Variants in NKX3-2 observed in about 807,000 individuals in gnomAD.
NKX3-2 encodes NK3 homeobox 2, also known as homeobox protein Nkx-3.2.
A neutral mutation model predicts 19.4 loss-of-function variants in NKX3-2; 13 were observed. The ratio of observed to expected loss-of-function variants is 0.67; its 90% CI spans 0.44 to 1.07. The LOEUF is 1.07. Ranked by LOEUF, NKX3-2 falls within the 50% of genes least tolerant of loss-of-function variation. The probability of loss-of-function intolerance (pLI) is 0.00; values close to 1 mark genes in which losing one functional copy is unlikely to be tolerated. For missense variants in NKX3-2, 562 were observed against 488.2 expected (o/e 1.15, Z -1.42); for synonymous variants, 269 against 230.5 (o/e 1.17, Z -1.51).
rs1327011469 is a variant in NKX3-2 at position 13,544,077 on chromosome 4, G to A, written c.338C>T (p.Ala113Val). ...TCCCCCCGCAAGGCCGGCCCCGCTG[G>A]CCCCCCGCGCGTCCGCGCAGCGCCG... is the stretch of plus-strand genomic sequence containing the variant. ...SRRRCADARG[A>V]SGAGLAGGSL... The change falls in exon 1 of 2, where the codon GCC (alanine) becomes GTC (valine). Residue 113 changes from alanine to valine, a missense_variant. Coordinates refer to ENST00000382438, the MANE Select transcript of NKX3-2 (RefSeq NM_001189.4). 25 of 1,580,240 alleles carry A rather than the reference G, an allele frequency of 1.6e-5. No individual in the cohort carries two copies. Among genetic ancestry groups the A allele is most frequent in the Non-Finnish European group, 2.1e-5 (24 of 1,165,700 alleles).
In NKX3-2 at chr4:13,543,988, C is replaced by T; in HGVS notation, c.427G>A (p.Ala143Thr). 1 of 1,564,536 alleles carries T rather than the reference C, an allele frequency of 6.4e-7. No homozygotes were observed. Among genetic ancestry groups the T allele is most frequent in the South Asian group, 1.2e-5 (1 of 84,122 alleles). The change falls in exon 1 of 2, where the codon GCG becomes ACG. Residue 143 changes from alanine (A) to threonine (T), a missense_variant. Coordinates refer to ENST00000382438, the MANE Select transcript of NKX3-2 (RefSeq NM_001189.4). This position sits in a 1 kb window ranked among gnomAD's most constrained non-coding sequence, Gnocchi z 7.1. ...AASKDLEEEA[A>T]GRSDSEMSAS... Reference sequence around the variant, plus strand: ...GACATCTCGCTGTCGCTCCGGCCCGCGGCTTCCTCCTCTAGGTCTTTGGAA... The same window carrying T: ...GACATCTCGCTGTCGCTCCGGCCCGTGGCTTCCTCCTCTAGGTCTTTGGAA...
At position 13,541,960 on chromosome 4, in the gene NKX3-2, C is replaced by A; in HGVS notation, c.*33G>T. On this transcript the variant is annotated 3_prime_UTR_variant, in exon 2 of 2. Coordinates refer to ENST00000382438, the MANE Select transcript of NKX3-2 (RefSeq NM_001189.4). ...TCAGCGCCGGTCCGGAGCCGGAGCGCGGGAATCACTCGCTGCCTCAGCCCA... is the reference window on the plus strand; with the variant it reads ...TCAGCGCCGGTCCGGAGCCGGAGCGAGGGAATCACTCGCTGCCTCAGCCCA... 6.4e-7 allele frequency: 1 copy of A among 1,557,162 alleles called. No homozygotes were observed. Among genetic ancestry groups the A allele is most frequent in the South Asian group, 1.2e-5 (1 of 84,448 alleles).
At chr4:13,545,043 C>A (rs752350463), upstream of NKX3-2, 1 of 152,408 alleles carries the variant, frequency 6.6e-6, no homozygotes, top group Admixed American at 6.5e-5. Flanking sequence ...TGTACCACCC[C>A]CCTCCCGCCC....
chr4:13,543,995 C>T lies in NKX3-2; in HGVS notation c.420G>A (p.Glu140=). The T allele has an allele frequency of 6.4e-7, 1 of 1,570,788 alleles. No individual in the cohort carries two copies. The highest frequency in any genetic ancestry group is 8.6e-7 in the Non-Finnish European group (1 of 1,161,246). The change falls in exon 1 of 2, where the codon GAG becomes GAA. Residue 140 remains glutamate, a synonymous_variant. Transcript: ENST00000382438. The surrounding 1 kb of genome is among the most constrained non-coding windows in gnomAD (Gnocchi z 7.1). ...CELAASKDLE[E]EAAGRSDSEM... ...CGCTGTCGCTCCGGCCCGCGGCTTC[C>T]TCCTCTAGGTCTTTGGAAGCGGCCA...
chr4:13,543,939 C>A lies in NKX3-2; in HGVS notation c.466+10G>T. 6.5e-7 allele frequency: 1 copy of A among 1,537,044 alleles called. No individual in the cohort carries two copies. Among genetic ancestry groups the A allele is most frequent in the Non-Finnish European group, 8.7e-7 (1 of 1,143,368 alleles). ...AGCCCGGCCCCCATCCCCGCGAAGC[C>A]GCAGCAGACCTGAGACGCTGGCGGA... On this transcript the variant is annotated intron_variant, in intron 1 of 1. Transcript: ENST00000382438. The surrounding 1 kb of genome is among the most constrained non-coding windows in gnomAD (Gnocchi z 7.1).
At chr4:13,546,027 AACTTTACC>A (rs1718125547), upstream of NKX3-2, 1 of 152,228 alleles carries the variant, frequency 6.6e-6, no homozygotes, top group South Asian at 2.1e-4. Flanking sequence ...GTTTTCCATA[AACTTTACC>A]AGAGAGTTAA....
upstream of NKX3-2, chr4:13,547,086 T>C (rs1718148576): frequency 2.2e-6 from 1 of 456,220 alleles, no homozygotes; most frequent in Non-Finnish European, 4.4e-6. Flanking sequence ...GAGGGTGAAC[T>C]CGCGGGTCTT....
Position 13,542,521 on chromosome 4 carries a change from G to A in NKX3-2, c.474C>T (p.Arg158=). ...CACCGTCGTCCTCGGTCCTTGGGCT[G>A]CGGTCGCCTGCGGACCCCGGTGGGA... ...SEMSASVSGD[R]SPRTEDDGVG... Residue 158 remains arginine (R), a synonymous_variant, in exon 2 of 2, where the codon CGC becomes CGT. Transcript: ENST00000382438. The surrounding 1 kb of genome is among the most constrained non-coding windows in gnomAD (Gnocchi z 6.4). 1 of 1,596,472 alleles carries A rather than the reference G, an allele frequency of 6.3e-7. No individual in the cohort carries two copies. Among genetic ancestry groups the A allele is most frequent in the Non-Finnish European group, 8.5e-7 (1 of 1,179,600 alleles).
chr4:13,542,637 T>C lies in NKX3-2; in HGVS notation c.467-109A>G. ...GGAGTGGGGCGGAAATACACTTTGATCCCACTCAAGCGGAGCGGAGGTCTG... is the reference window on the plus strand; with the variant it reads ...GGAGTGGGGCGGAAATACACTTTGACCCCACTCAAGCGGAGCGGAGGTCTG... On this transcript the variant is annotated intron_variant, in intron 1 of 1. Transcript: ENST00000382438. This position sits in a 1 kb window ranked among gnomAD's most constrained non-coding sequence, Gnocchi z 6.4. 2 of 1,410,824 alleles carry C rather than the reference T, an allele frequency of 1.4e-6. No individual in the cohort carries two copies. The highest frequency in any genetic ancestry group is 2.0e-6 in the Non-Finnish European group (2 of 1,015,892). 87.4% of individuals were successfully genotyped at this position (1,410,824 alleles called of 1,614,324 possible).
chr4:13,543,903 T>C lies in NKX3-2; in HGVS notation c.466+46A>G. ...CCACTCGGCGTGGTTGCCCTCCGCG[T>C]CCATCCCCTCAGCCCGGCCCCCATC... On this transcript the variant is annotated intron_variant, in intron 1 of 1. Transcript: ENST00000382438. This position sits in a 1 kb window ranked among gnomAD's most constrained non-coding sequence, Gnocchi z 7.1. 1 of 1,455,128 alleles carries C rather than the reference T, an allele frequency of 6.9e-7. No homozygotes were observed. The allele number at this position is 1,455,128 out of a possible 1,614,324, so 90.1% of individuals were successfully genotyped here.
chr4:13,543,315 C>T lies in NKX3-2; in HGVS notation c.466+634G>A. ...CCAGACCACAGGACAGGACAGGCCA[C>T]GGCTGAGGAGGCCTCTCTCCTGCCT... On this transcript the variant is annotated intron_variant, in intron 1 of 1. Coordinates refer to ENST00000382438, the MANE Select transcript of NKX3-2 (RefSeq NM_001189.4). The surrounding 1 kb of genome is among the most constrained non-coding windows in gnomAD (Gnocchi z 7.1). 6.6e-6 allele frequency among the ~76,000 whole-genome samples: 1 copy of T among 152,198 alleles called. No homozygotes were observed. Among genetic ancestry groups the T allele is most frequent in the East Asian group, 1.9e-4 (1 of 5,162 alleles).
chr4:13,547,129 G>C (rs1472195980), upstream of NKX3-2: 4 of 456,262 alleles, frequency 8.8e-6, no homozygotes, highest in Non-Finnish European at 1.8e-5. Flanking sequence ...CTAGCAAGGG[G>C]TCGGGTGGAG....
At position 13,543,885 on chromosome 4, in the gene NKX3-2, G is replaced by T. The variant is rs1367843450; in HGVS notation, c.466+64C>A. On this transcript the variant is annotated intron_variant, in intron 1 of 1. Coordinates refer to ENST00000382438, the MANE Select transcript of NKX3-2 (RefSeq NM_001189.4). The surrounding 1 kb of genome is among the most constrained non-coding windows in gnomAD (Gnocchi z 7.1). ...GTGCTCAAGCCGACCACCCCACTCGGCGTGGTTGCCCTCCGCGTCCATCCC... is the reference window on the plus strand; with the variant it reads ...GTGCTCAAGCCGACCACCCCACTCGTCGTGGTTGCCCTCCGCGTCCATCCC... The T allele has an allele frequency of 1.4e-6, 2 of 1,390,256 alleles. No homozygotes were observed. Among genetic ancestry groups the T allele is most frequent in the Non-Finnish European group, 1.9e-6 (2 of 1,052,844 alleles). 86.1% of individuals were successfully genotyped at this position (1,390,256 alleles called of 1,614,324 possible). A position where few individuals can be genotyped will look rare whatever the true frequency, so the allele number is the denominator to read the frequency against.
At chr4:13,545,388 C>T (rs187995871), upstream of NKX3-2, among the ~76,000 whole-genome samples, 158 of 152,316 alleles carry the variant, frequency 1.0e-3, no homozygotes, top group African/African-American at 3.6e-3. Flanking sequence ...TAATGCAGTT[C>T]CATAAATCAT....
At chr4:13,545,548 T>C (rs919747122), upstream of NKX3-2, among the ~76,000 whole-genome samples, 7 of 151,996 alleles carry the variant, frequency 4.6e-5, no homozygotes, top group East Asian at 1.3e-3. Flanking sequence ...AATATTTTTC[T>C]TTCCTCGTCG....
At chr4:13,546,537 G>A (rs987945729), upstream of NKX3-2, 4 of 216,372 alleles carry the variant, frequency 1.8e-5, no homozygotes, top group African/African-American at 9.1e-5. Flanking sequence ...AGGGATGTTG[G>A]GAATTATGTA....
upstream of NKX3-2, chr4:13,545,161 A>C (rs1360528150): frequency 6.6e-6 from 1 of 152,314 alleles, no homozygotes; most frequent in Non-Finnish European, 1.5e-5. Context: ...GGCGACGTTG[A>C]CTTTAACAGA....
Position 13,541,727 on chromosome 4 carries a change from A to C in NKX3-2, c.*266T>G, listed in dbSNP as rs1437912109. 6 of 452,204 alleles carry C rather than the reference A, an allele frequency of 1.3e-5. No homozygotes were observed. The highest frequency in any genetic ancestry group is 1.6e-5 in the Non-Finnish European group (4 of 256,060). The allele number at this position is 452,204 out of a possible 1,614,324, so 28.0% of individuals were successfully genotyped here. On this transcript the variant is annotated 3_prime_UTR_variant, in exon 2 of 2. Coordinates refer to ENST00000382438, the MANE Select transcript of NKX3-2 (RefSeq NM_001189.4). ...TAATTCCAACATTGTCATGATAATAAATAGAGCCCAGGGGCTTCCAGGCAG... is the reference window on the plus strand; with the variant it reads ...TAATTCCAACATTGTCATGATAATACATAGAGCCCAGGGGCTTCCAGGCAG...
rs754905478 is a variant in NKX3-2, at chr4:13,544,313, C to T, written c.102G>A (p.Pro34=). 6 of 1,529,932 alleles carry T rather than the reference C, an allele frequency of 3.9e-6. 1 individual carries two copies. The South Asian group carries it at 7.2e-5, about 18-fold the overall frequency. The allele number at this position is 1,529,932 out of a possible 1,614,324, so 94.8% of individuals were successfully genotyped here. A position where few individuals can be genotyped will look rare whatever the true frequency, so the allele number is the denominator to read the frequency against. Residue 34 remains proline, a synonymous_variant, in exon 1 of 2, where the codon CCG becomes CCA. Transcript: ENST00000382438. ...CCGATGCCGCTGTGCCCCCGGGCGC[C>T]GGGCGCCCCTCTGGCGCGGCCAGCC... ...RGGLAAPEGR[P]APGGTAASVA... is the part of the protein sequence containing the mutation.
Sources: gnomAD v4.1 joint callset for allele counts (sites outside exome capture counted in the v4.1 genomes callset) on GRCh38, gnomAD v4.1.1 for gene constraint, Gnocchi (gnomAD v3.1) non-coding constraint, MANE v1.5 for transcripts, NCBI Gene and HGNC (gene_info 2026-07-23, HGNC 2026-07-21) for gene names.